Variants in EBF1 observed in about 807,000 individuals in gnomAD.
The protein encoded by EBF1 is EBF transcription factor 1.
In EBF1, 10 loss-of-function variants were observed where a neutral mutation model predicts 68.4. That is an observed-to-expected ratio of 0.15 (90% confidence interval 0.09 to 0.25). The LOEUF (loss-of-function observed/expected upper bound fraction) is 0.25, where lower values mean the gene tolerates loss of function less well. EBF1 is among the 10% of genes least tolerant of loss of function. The probability of loss-of-function intolerance (pLI) is 1.00; values close to 1 mark genes in which losing one functional copy is unlikely to be tolerated. For synonymous variants in EBF1, 298 were observed against 299.8 expected, an observed-to-expected ratio of 0.99 and a Z score of 0.06; for missense variants, 509 against 794.4, an observed-to-expected ratio of 0.64 and a Z score of 4.32.
intron 6 of EBF1, among the ~76,000 whole-genome samples, chr5:159,055,684 C>A (rs1774611303): frequency 6.6e-6 from 1 of 152,142 alleles, no homozygotes. Flanking sequence ...TACTTTAAAT[C>A]TCTTTTTGGA....
chr5:158,877,837 T>G (rs1798085048), intron 6 of EBF1, among the ~76,000 whole-genome samples: 1 of 152,094 alleles, frequency 6.6e-6, no homozygotes, highest in African/African-American at 2.4e-5. Flanking sequence ...TTGGGAAGCC[T>G]CATTAGAATA....
chr5:158,746,339 C>A (rs574664446), intron 10 of EBF1, among the ~76,000 whole-genome samples: 4 of 152,134 alleles, frequency 2.6e-5, no homozygotes, highest in Admixed American at 2.6e-4. Flanking sequence ...TCAGTACAAG[C>A]TTTCTGGAGG....
At chr5:159,092,342 G>A (rs1781799615) in intron 4 of EBF1, among the ~76,000 whole-genome samples, 1 of 152,138 alleles carries the variant, frequency 6.6e-6, no homozygotes, top group Admixed American at 6.6e-5. Context: ...TTTTCTAGTT[G>A]GTGGGTGAAT....
chr5:158,965,425 A>T (rs1260662651), intron 6 of EBF1, among the ~76,000 whole-genome samples: 1 of 152,204 alleles, frequency 6.6e-6, no homozygotes, highest in South Asian at 2.1e-4. Context: ...TTGTACTTTC[A>T]TTCCTAGGAA....
At chr5:158,723,099 A>G (rs924445763) in intron 11 of EBF1, among the ~76,000 whole-genome samples, 7 of 152,070 alleles carry the variant, frequency 4.6e-5, no homozygotes, top group African/African-American at 1.7e-4. Flanking sequence ...TCCCTCCCAC[A>G]ATGACTCTGC....
intron 6 of EBF1, among the ~76,000 whole-genome samples, chr5:158,875,433 T>G (rs992781532): frequency 1.3e-5 from 2 of 152,196 alleles, no homozygotes; most frequent in Admixed American, 6.5e-5. Flanking sequence ...GCACTTCCTA[T>G]CCGAAAACTT....
chr5:159,016,607 C>T (rs926239661), intron 6 of EBF1, among the ~76,000 whole-genome samples: 2 of 152,194 alleles, frequency 1.3e-5, no homozygotes, highest in African/African-American at 2.4e-5. Flanking sequence ...GAATTTGCCA[C>T]GCCTTCTGAA....
intron 6 of EBF1, among the ~76,000 whole-genome samples, chr5:159,054,248 C>T (rs1044755869): frequency 3.3e-5 from 5 of 151,826 alleles, no homozygotes; most frequent in African/African-American, 9.7e-5. Context: ...AAATAAGAAG[C>T]GAAGGAAAGC....
At chr5:159,012,422 A>G (rs1412141690) in intron 6 of EBF1, among the ~76,000 whole-genome samples, 1 of 152,120 alleles carries the variant, frequency 6.6e-6, no homozygotes, top group East Asian at 1.9e-4. Context: ...TTCCACTCCA[A>G]AATTCATATG....
At chr5:158,987,254 T>G (rs1039195459) in intron 6 of EBF1, 6 of 152,202 alleles carry the variant, frequency 3.9e-5, no homozygotes, top group African/African-American at 1.2e-4. Context: ...ATAGCATCAG[T>G]ATCTCCTACA....
intron 6 of EBF1, among the ~76,000 whole-genome samples, chr5:158,944,841 A>G (rs183110900): frequency 4.4e-4 from 67 of 152,264 alleles, no homozygotes; most frequent in Admixed American, 7.8e-4. Flanking sequence ...TTTTATTCAT[A>G]TGTTTGTTGG....
intron 6 of EBF1, among the ~76,000 whole-genome samples, chr5:158,974,033 T>G (rs1297830643): frequency 6.6e-6 from 1 of 152,188 alleles, no homozygotes; most frequent in Non-Finnish European, 1.5e-5. Context: ...ATGCCTCCAT[T>G]GTAGATTTGC....
At chr5:159,051,451 C>A (rs1420836066) in intron 6 of EBF1, among the ~76,000 whole-genome samples, 9 of 143,694 alleles carry the variant, frequency 6.3e-5, no homozygotes, top group Non-Finnish European at 1.1e-4. Context: ...CCCCACCCCG[C>A]CGCCCGGCGG....
intron 6 of EBF1, among the ~76,000 whole-genome samples, chr5:159,070,153 T>C (rs1212418322): frequency 6.6e-6 from 1 of 152,204 alleles, no homozygotes; most frequent in African/African-American, 2.4e-5. Flanking sequence ...TTTTCCCATG[T>C]CTATGCAGCT....
intron 6 of EBF1, among the ~76,000 whole-genome samples, chr5:159,053,626 C>CACAT (rs1554122901): frequency 3.3e-5 from 5 of 151,912 alleles, no homozygotes; most frequent in African/African-American, 1.2e-4. Flanking sequence ...CACACACACA[C>CACAT]ACACACACAC....
chr5:159,084,786 G>GA (rs770261650), intron 4 of EBF1, 47 bp from the exon 5 acceptor site: 182,365 of 1,002,284 alleles, frequency 0.18, 105 homozygotes, highest in Non-Finnish European at 0.2. Context: ...AGGAGTAGCA[G>GA]AAAAAAAAAA....
chr5:159,013,626 T>A (rs1329381549), intron 6 of EBF1, among the ~76,000 whole-genome samples: 1 of 152,102 alleles, frequency 6.6e-6, no homozygotes, highest in African/African-American at 2.4e-5. Flanking sequence ...AGGCAGAAGA[T>A]CAGACCACTG....
intron 6 of EBF1, among the ~76,000 whole-genome samples, chr5:158,946,179 TTC>T (rs1367899354): frequency 6.6e-6 from 1 of 152,168 alleles, no homozygotes; most frequent in Non-Finnish European, 1.5e-5. Context: ...TGAAGCCTAC[TTC>T]TGTCAATTCG....
chr5:158,837,520 T>C (rs1289171171), intron 7 of EBF1, among the ~76,000 whole-genome samples: 1 of 152,254 alleles, frequency 6.6e-6, no homozygotes, highest in Non-Finnish European at 1.5e-5. Context: ...TCCAAAGGAT[T>C]ATAAGACTTT....
Sources: allele counts gnomAD v4.1 joint callset (sites outside exome capture counted in the v4.1 genomes callset), GRCh38; gene constraint gnomAD v4.1.1; transcripts MANE v1.5; gene names NCBI Gene and HGNC (gene_info 2026-07-23, HGNC 2026-07-21).